LSM8: variants seen among roughly 807,000 people sequenced by gnomAD.
LSM8 encodes LSM8 homolog, U6 small nuclear RNA associated.
In LSM8, 14 loss-of-function variants were observed where a neutral mutation model predicts 15.0. The ratio of observed to expected loss-of-function variants is 0.93; its 90% CI spans 0.62 to 1.46. The LOEUF (loss-of-function observed/expected upper bound fraction) is 1.46, where lower values mean the gene tolerates loss of function less well. Ranked by LOEUF, LSM8 falls within the 40% of genes most tolerant of loss-of-function variation. The pLI is 0.00. For synonymous variants in LSM8, 50 were observed against 42.1 expected (o/e 1.19, Z -0.73); for missense variants, 90 against 115.4 (o/e 0.78, Z 1.01).
Position 118,193,333 on chromosome 7 carries a change from A to C in LSM8, c.*1331A>C, listed in dbSNP as rs1809017640. Among the ~76,000 whole-genome samples the C allele has an allele frequency of 6.6e-6, 1 of 152,154 alleles. No individual in the cohort carries two copies. The highest frequency in any genetic ancestry group is 2.1e-4 in the South Asian group (1 of 4,832). On this transcript the variant is annotated 3_prime_UTR_variant, in exon 4 of 4. Transcript: ENST00000249299. Reference sequence around the variant, plus strand: ...ACCCTTGGCTTAATACAAGTTCAATAAGAAAAAATGAACAATTTGTATAAA... The same window carrying C: ...ACCCTTGGCTTAATACAAGTTCAATCAGAAAAAATGAACAATTTGTATAAA...
intron 2 of LSM8, among the ~76,000 whole-genome samples, chr7:118,186,976 A>C (rs146439309): frequency 5.6e-4 from 86 of 152,312 alleles, no homozygotes; most frequent in African/African-American, 2.0e-3. Context: ...TTTAATTTTA[A>C]AGAAGAATGA....
At chr7:118,184,727 T>G (rs1808856213) in intron 1 of LSM8, 1 of 152,796 alleles carries the variant, frequency 6.5e-6, no homozygotes, top group Admixed American at 6.5e-5. Flanking sequence ...CCCAACTTGT[T>G]GGTAGAATGA....
At chr7:118,191,342 G>A (rs3808179) in intron 3 of LSM8, 10,445 of 152,242 alleles carry the variant, frequency 0.069, 383 homozygotes, top group East Asian at 0.11. Flanking sequence ...AGCCAATCAC[G>A]TCAAAAATGA....
rs1044254146 is a variant in LSM8, at chr7:118,195,247, C to T, written c.*3245C>T. 6.6e-6 allele frequency among the ~76,000 whole-genome samples: 1 copy of T among 152,162 alleles called. No homozygotes were observed. The highest frequency in any genetic ancestry group is 6.6e-5 in the Admixed American group (1 of 15,266). ...GAATTATTAAAAGACCTAGCACTTACCTGCTGGGATGAGTCTCTAACCCCA... is the reference window on the plus strand; with the variant it reads ...GAATTATTAAAAGACCTAGCACTTATCTGCTGGGATGAGTCTCTAACCCCA... On this transcript the variant is annotated 3_prime_UTR_variant, in exon 4 of 4. Coordinates refer to ENST00000249299, the MANE Select transcript of LSM8 (RefSeq NM_016200.5).
Position 118,199,211 on chromosome 7 carries a change from A to G in LSM8, c.*7209A>G, listed in dbSNP as rs1490408929. On this transcript the variant is annotated 3_prime_UTR_variant, in exon 4 of 4. Coordinates refer to ENST00000249299, the MANE Select transcript of LSM8 (RefSeq NM_016200.5). Reference sequence around the variant, plus strand: ...GAGTCCTATGATTCCAAGTGTATCAATGAACCTCAGTATGATCTTGGGGAC... The same window carrying G: ...GAGTCCTATGATTCCAAGTGTATCAGTGAACCTCAGTATGATCTTGGGGAC... Among the ~76,000 whole-genome samples the G allele has an allele frequency of 6.6e-6, 1 of 150,830 alleles. No homozygotes were observed. The highest frequency in any genetic ancestry group is 1.5e-5 in the Non-Finnish European group (1 of 67,664).
At position 118,192,166 on chromosome 7, in the gene LSM8, CTTTT is replaced by C. The variant is rs1161526208; in HGVS notation, c.*170_*173del. ...TTCTACATTTTATTGAAAAAAAAAC[CTTTT>C]TTTTTGCCTAAATATAAGTTTGGTA... On this transcript the variant is annotated 3_prime_UTR_variant, in exon 4 of 4. Coordinates refer to ENST00000249299, the MANE Select transcript of LSM8 (RefSeq NM_016200.5). 1 of 430,110 alleles carries C rather than the reference CTTTT, an allele frequency of 2.3e-6. No individual in the cohort carries two copies. Among genetic ancestry groups the C allele is most frequent in the Non-Finnish European group, 3.8e-6 (1 of 261,946 alleles). The allele number at this position is 430,110 out of a possible 1,614,324, so 26.6% of individuals were successfully genotyped here.
chr7:118,184,307 G>A (rs567491502), intron 1 of LSM8, 53 bp downstream of exon 1: 3 of 1,443,244 alleles, frequency 2.1e-6, no homozygotes, highest in Non-Finnish European at 9.2e-7. Context: ...GAGAGGCCGC[G>A]GTCGGGGATC....
rs1040409395 is a variant in LSM8 at position 118,195,395 on chromosome 7, C to T, written c.*3393C>T. 6.6e-6 allele frequency among the ~76,000 whole-genome samples: 1 copy of T among 152,026 alleles called. No homozygotes were observed. On this transcript the variant is annotated 3_prime_UTR_variant, in exon 4 of 4. Transcript: ENST00000249299. The stretch of plus-strand genomic sequence containing the variant: ...TTTGGTATGATTTTGAGGACATAAC[C>T]GTAAACAGCTATTTAATACTATTCC...
chr7:118,186,056 A>G (rs1425431917), intron 2 of LSM8, among the ~76,000 whole-genome samples: 1 of 152,208 alleles, frequency 6.6e-6, no homozygotes, highest in Non-Finnish European at 1.5e-5. Context: ...TTAATGATTT[A>G]GATACTATTA....
Position 118,195,776 on chromosome 7 carries a change from A to G in LSM8, c.*3774A>G, listed in dbSNP as rs956320623. 6.6e-6 allele frequency among the ~76,000 whole-genome samples: 1 copy of G among 152,196 alleles called. No individual in the cohort carries two copies. Among genetic ancestry groups the G allele is most frequent in the Non-Finnish European group, 1.5e-5 (1 of 68,024 alleles). Reference sequence around the variant, plus strand: ...ACTTGGGCTGTGAATCTCAGTTTTAAGTCATGGGCAAATTTGATAAAAATT... The same window carrying G: ...ACTTGGGCTGTGAATCTCAGTTTTAGGTCATGGGCAAATTTGATAAAAATT... On this transcript the variant is annotated 3_prime_UTR_variant, in exon 4 of 4. Coordinates refer to ENST00000249299, the MANE Select transcript of LSM8 (RefSeq NM_016200.5).
In LSM8 at chr7:118,197,456, A is replaced by G. The variant is rs1809100255; in HGVS notation, c.*5454A>G. Among the ~76,000 whole-genome samples the G allele has an allele frequency of 6.6e-6, 1 of 152,164 alleles. No homozygotes were observed. The highest frequency in any genetic ancestry group is 2.1e-4 in the South Asian group (1 of 4,834). On this transcript the variant is annotated 3_prime_UTR_variant, in exon 4 of 4. Coordinates refer to ENST00000249299, the MANE Select transcript of LSM8 (RefSeq NM_016200.5). ...ATCATGTTTCATCTCATATCAACAAAATGATTATAATAAATCATACTCTAG... is the reference window on the plus strand; with the variant it reads ...ATCATGTTTCATCTCATATCAACAAGATGATTATAATAAATCATACTCTAG...
rs1317312822 is a variant in LSM8 at position 118,202,926 on chromosome 7, C to CT, written c.*10925dup. Among the ~76,000 whole-genome samples the CT allele has an allele frequency of 6.6e-6, 1 of 151,934 alleles. No homozygotes were observed. Among genetic ancestry groups the CT allele is most frequent in the African/African-American group, 2.4e-5 (1 of 41,418 alleles). ...ACATTAAAGTTTGAGAAGCACTGAT[C>CT]TATACTGTCTTTCTACACACTTTTT... On this transcript the variant is annotated 3_prime_UTR_variant, in exon 4 of 4. Transcript: ENST00000249299.
rs1288565075 is a variant in LSM8, at chr7:118,203,324, C to T, written c.*11322C>T. ...CCTTTTAAAACTCACATAATTTTCCCATTTCCCTTGAAGAAGATACTAATA... is the reference window on the plus strand; with the variant it reads ...CCTTTTAAAACTCACATAATTTTCCTATTTCCCTTGAAGAAGATACTAATA... On this transcript the variant is annotated 3_prime_UTR_variant, in exon 4 of 4. Coordinates refer to ENST00000249299, the MANE Select transcript of LSM8 (RefSeq NM_016200.5). Among the ~76,000 whole-genome samples, 3 of 151,750 alleles carry T rather than the reference C, an allele frequency of 2.0e-5. No homozygotes were observed. Among genetic ancestry groups the T allele is most frequent in the East Asian group, 1.9e-4 (1 of 5,172 alleles).
In LSM8 at chr7:118,195,877, A is replaced by G. The variant is rs186755633; in HGVS notation, c.*3875A>G. 1.8e-3 allele frequency among the ~76,000 whole-genome samples: 271 copies of G among 152,316 alleles called. No homozygotes were observed. The highest frequency in any genetic ancestry group is 3.5e-3 in the South Asian group (17 of 4,822). The stretch of plus-strand genomic sequence containing the variant: ...TCTCCATTTAGATTGATACCCATTA[A>G]ATAGCATAGTGCTCCCATTAAACTA... On this transcript the variant is annotated 3_prime_UTR_variant, in exon 4 of 4. Transcript: ENST00000249299.
chr7:118,191,912 T>C lies in LSM8; in HGVS notation c.201T>C (p.Val67=), dbSNP rs1808988742. The change falls in exon 4 of 4, where the codon GTT becomes GTC. Residue 67 remains valine, a splice_region_variant and synonymous_variant. Transcript: ENST00000249299. ...ATTGTTTTAACTCTGACTTTTTTAG[T>C]GCAGTCATTGGAGAAATCGATGAAG... ...LGLYIVRGDN[V]AVIGEIDEET... The C allele has an allele frequency of 6.2e-7, 1 of 1,606,726 alleles. No homozygotes were observed. The highest frequency in any genetic ancestry group is 1.3e-5 in the African/African-American group (1 of 74,880).
chr7:118,196,700 TTTTATTTATTTA>T lies in LSM8; in HGVS notation c.*4734_*4745del, dbSNP rs200053888. Among the ~76,000 whole-genome samples the T allele has an allele frequency of 0.035, 4,558 of 129,764 alleles. 186 individuals carry two copies. Among genetic ancestry groups the T allele is most frequent in the East Asian group, 0.16 (733 of 4,462 alleles). The allele number at this position is 129,764 out of a possible 152,430, so 85.1% of individuals were successfully genotyped here. On this transcript the variant is annotated 3_prime_UTR_variant, in exon 4 of 4. Coordinates refer to ENST00000249299, the MANE Select transcript of LSM8 (RefSeq NM_016200.5). ...TTTCTTTTTTTTTAAGTCCTTTAAT[TTTTATTTATTTA>T]TTTATTTATTTATTTATTTATTTAT... is the stretch of plus-strand genomic sequence containing the variant.
intron 1 of LSM8, 117 bp from the exon 2 acceptor site, chr7:118,185,537 T>A (rs981394166): frequency 8.1e-6 from 7 of 859,114 alleles, no homozygotes; most frequent in Non-Finnish European, 1.3e-5. Context: ...TTAGTGGCTG[T>A]GTTGAATACT....
In LSM8 at chr7:118,193,828, AACACATT is replaced by A; in HGVS notation, c.*1833_*1839del. Among the ~76,000 whole-genome samples, 1 of 152,262 alleles carries A rather than the reference AACACATT, an allele frequency of 6.6e-6. No homozygotes were observed. Among genetic ancestry groups the A allele is most frequent in the Non-Finnish European group, 1.5e-5 (1 of 67,980 alleles). On this transcript the variant is annotated 3_prime_UTR_variant, in exon 4 of 4. Transcript: ENST00000249299. Reference sequence around the variant, plus strand: ...CTTTTCTCAAAATACTTGGCATATCAACACATTACACATAAACAAATAAAAACCAGTC... The same window carrying A: ...CTTTTCTCAAAATACTTGGCATATCAACACATAAACAAATAAAAACCAGTC...
intron 1 of LSM8, 76 bp from the exon 2 acceptor site, chr7:118,185,578 T>C (rs910884848): frequency 1.3e-4 from 163 of 1,299,938 alleles, no homozygotes; most frequent in Non-Finnish European, 1.6e-4. Flanking sequence ...ATTCTAAAAA[T>C]TCAAATCATT....
Sources: allele counts gnomAD v4.1 joint callset (sites outside exome capture counted in the v4.1 genomes callset), GRCh38; gene constraint gnomAD v4.1.1; transcripts MANE v1.5; gene names NCBI Gene and HGNC (gene_info 2026-07-23, HGNC 2026-07-21).